Variants in CLSTN2 observed in about 807,000 individuals in gnomAD.
CLSTN2 encodes the protein calsyntenin-2.
CLSTN2 carries 48 observed loss-of-function variants against 101.2 expected under a neutral mutation model. The ratio of observed to expected loss-of-function variants is 0.47; its 90% CI spans 0.38 to 0.60. The LOEUF (loss-of-function observed/expected upper bound fraction) is 0.60, where lower values mean the gene tolerates loss of function less well. Among genes scored for constraint, CLSTN2 ranks in the 20% least tolerant of loss-of-function variants. CLSTN2 has a pLI of 0.00. For missense variants in CLSTN2, 1,160 were observed against 1,238.2 expected (o/e 0.94, Z 0.95); for synonymous variants, 481 against 463.6 (o/e 1.04, Z -0.48).
intron 1 of CLSTN2, among the ~76,000 whole-genome samples, chr3:139,970,583 G>T (rs1354143685): frequency 6.6e-6 from 1 of 152,124 alleles, no homozygotes; most frequent in Non-Finnish European, 1.5e-5. Context: ...GGACCATTTC[G>T]GTGATGATGC....
At chr3:140,142,308 A>C (rs1236953156) in intron 1 of CLSTN2, among the ~76,000 whole-genome samples, 1 of 152,128 alleles carries the variant, frequency 6.6e-6, no homozygotes, top group Non-Finnish European at 1.5e-5. Flanking sequence ...TGTCCAAGGG[A>C]GGAAGCATCT....
chr3:140,059,595 GGTGGCCCCCTC>G (rs2008160718), intron 1 of CLSTN2, among the ~76,000 whole-genome samples: 1 of 152,100 alleles, frequency 6.6e-6, no homozygotes, highest in Non-Finnish European at 1.5e-5. Context: ...CAGTCCTCTT[GGTGGCCCCCTC>G]TGAGGATGGC....
chr3:140,186,826 AT>A (rs200200331), intron 2 of CLSTN2, among the ~76,000 whole-genome samples: 3 of 151,826 alleles, frequency 2.0e-5, no homozygotes, highest in Admixed American at 6.6e-5. Flanking sequence ...CAATTTGTGT[AT>A]TTTTTTTAAT....
At chr3:140,337,393 C>T (rs990338617) in intron 2 of CLSTN2, among the ~76,000 whole-genome samples, 2 of 152,310 alleles carry the variant, frequency 1.3e-5, no homozygotes, top group South Asian at 2.1e-4. Context: ...ATATTGTCTT[C>T]CTTCTTTACA....
chr3:140,379,795 TTATAA>T (rs2087959917), intron 2 of CLSTN2, among the ~76,000 whole-genome samples: 1 of 152,146 alleles, frequency 6.6e-6, no homozygotes, highest in Admixed American at 6.5e-5. Context: ...GAAAATGATC[TTATAA>T]TATGAAATGA....
At chr3:140,205,746 G>A (rs541502595) in intron 2 of CLSTN2, among the ~76,000 whole-genome samples, 166 of 152,138 alleles carry the variant, frequency 1.1e-3, no homozygotes, top group South Asian at 3.1e-3. Flanking sequence ...CCCCTACTGT[G>A]TGCAAGCACC....
intron 2 of CLSTN2, among the ~76,000 whole-genome samples, chr3:140,278,352 C>T (rs2086813847): frequency 5.7e-5 from 1 of 17,678 alleles, no homozygotes; most frequent in South Asian, 1.4e-3. Flanking sequence ...CTCCAGGGCT[C>T]AACACTTGAG....
At chr3:140,153,152 G>C (rs1008964335) in intron 1 of CLSTN2, among the ~76,000 whole-genome samples, 1 of 152,152 alleles carries the variant, frequency 6.6e-6, no homozygotes, top group Non-Finnish European at 1.5e-5. Flanking sequence ...GAGGGGTCCT[G>C]GTACATGTCC....
intron 1 of CLSTN2, among the ~76,000 whole-genome samples, chr3:140,006,289 CT>C (rs141839629): frequency 0.011 from 1,702 of 152,336 alleles, 29 homozygotes; most frequent in African/African-American, 0.037. Flanking sequence ...AAGAAAAGTA[CT>C]TGTGGCCACA....
rs139117265 is a variant in CLSTN2, at chr3:140,012,195, T to C, written c.109+76712T>C. ...CCAGAGTGAGTGCTCAAAAAGCACT[T>C]GCAAGGAGAATGCCAAGAGAAGGGA... On this transcript the variant is annotated intron_variant, in intron 1 of 16. Transcript: ENST00000458420. 6.8e-3 allele frequency among the ~76,000 whole-genome samples: 1,028 copies of C among 151,924 alleles called. 10 individuals are homozygous for C. The highest frequency in any genetic ancestry group is 0.048 in the Middle Eastern group (14 of 294).
intron 1 of CLSTN2, among the ~76,000 whole-genome samples, chr3:140,049,571 AG>A (rs1298471620): frequency 6.6e-6 from 1 of 152,188 alleles, no homozygotes; most frequent in East Asian, 1.9e-4. Context: ...CAATGAGGCC[AG>A]GTGGGGTTGT....
chr3:140,212,618 T>C (rs1481546970), intron 2 of CLSTN2, among the ~76,000 whole-genome samples: 1 of 152,232 alleles, frequency 6.6e-6, no homozygotes, highest in African/African-American at 2.4e-5. Flanking sequence ...GTTTGTAACC[T>C]GGCCCATAAG....
At chr3:140,271,349 A>G (rs375389266) in intron 2 of CLSTN2, among the ~76,000 whole-genome samples, 1 of 152,296 alleles carries the variant, frequency 6.6e-6, no homozygotes, top group Admixed American at 6.5e-5. Flanking sequence ...GCTACTGAAA[A>G]GTGTCTCAGT....
At chr3:140,334,252 T>C (rs1385629033) in intron 2 of CLSTN2, among the ~76,000 whole-genome samples, 1 of 152,194 alleles carries the variant, frequency 6.6e-6, no homozygotes, top group Non-Finnish European at 1.5e-5. Flanking sequence ...AGTCATTGCT[T>C]ATCATCCATT....
At chr3:140,327,770 A>C (rs1271302549) in intron 2 of CLSTN2, among the ~76,000 whole-genome samples, 1 of 152,232 alleles carries the variant, frequency 6.6e-6, no homozygotes, top group East Asian at 1.9e-4. Context: ...CATGCACTTG[A>C]TAAGTGTCAG....
At chr3:139,940,795 T>A (rs1321874699) in intron 1 of CLSTN2, among the ~76,000 whole-genome samples, 2 of 152,126 alleles carry the variant, frequency 1.3e-5, no homozygotes, top group African/African-American at 2.4e-5. Flanking sequence ...ATCTCATTCA[T>A]CTCAAAGGCC....
At chr3:139,961,843 G>A (rs1320505857) in intron 1 of CLSTN2, among the ~76,000 whole-genome samples, 1 of 151,804 alleles carries the variant, frequency 6.6e-6, no homozygotes, top group Non-Finnish European at 1.5e-5. Context: ...AATCCTAAAG[G>A]TATTTCAGAG....
chr3:140,545,541 C>T (rs2107786250), intron 9 of CLSTN2, among the ~76,000 whole-genome samples: 1 of 152,338 alleles, frequency 6.6e-6, no homozygotes, highest in East Asian at 1.9e-4. Context: ...TGTTCTTCTT[C>T]TCTGAACAAA....
intron 1 of CLSTN2, among the ~76,000 whole-genome samples, chr3:140,158,638 A>G (rs548043436): frequency 4.2e-4 from 64 of 152,090 alleles, no homozygotes; most frequent in Non-Finnish European, 7.8e-4. Flanking sequence ...TTACAACACT[A>G]TATCAAACTA....
Sources: allele counts gnomAD v4.1 joint callset (sites outside exome capture counted in the v4.1 genomes callset), GRCh38; gene constraint gnomAD v4.1.1; transcripts MANE v1.5; gene names NCBI Gene and HGNC (gene_info 2026-07-23, HGNC 2026-07-21).